KALRN: variants seen among roughly 807,000 people sequenced by gnomAD.
The protein encoded by KALRN is kalirin RhoGEF kinase, also known as kalirin.
In KALRN, 70 loss-of-function variants were observed where a neutral mutation model predicts 353.7. That is an observed-to-expected ratio of 0.20 (90% CI 0.16 to 0.24). KALRN has a LOEUF of 0.24. KALRN is among the 10% of genes least tolerant of loss of function. The pLI, the probability that KALRN is intolerant of heterozygous loss-of-function variation, is 1.00. For missense variants in KALRN, 2,791 were observed against 3,756.7 expected (o/e 0.74, Z 6.72); for synonymous variants, 1,391 against 1,434.8 (o/e 0.97, Z 0.69).
intron 1 of KALRN, among the ~76,000 whole-genome samples, chr3:124,147,280 G>A (rs778088245): frequency 1.5e-4 from 23 of 152,138 alleles, no homozygotes; most frequent in Non-Finnish European, 3.2e-4. Context: ...TCCAGAATAC[G>A]AATGAGGAGA....
intron 21 of KALRN, among the ~76,000 whole-genome samples, chr3:124,448,736 C>T (rs1215145382): frequency 6.6e-6 from 1 of 152,180 alleles, no homozygotes; most frequent in African/African-American, 2.4e-5. Flanking sequence ...CACAGACCAT[C>T]TCTCCTCCAG....
chr3:124,496,447 A>G (rs1365643428), intron 33 of KALRN, 34 bp downstream of exon 33: 2 of 1,497,182 alleles, frequency 1.3e-6, no homozygotes, highest in African/African-American at 1.4e-5. Flanking sequence ...TTCCCCTGAG[A>G]CTTCTTGATG....
At chr3:124,659,990 G>A (rs2084623995) in intron 43 of KALRN, among the ~76,000 whole-genome samples, 1 of 151,412 alleles carries the variant, frequency 6.6e-6, no homozygotes, top group Non-Finnish European at 1.5e-5. Context: ...GCAGTGCAGT[G>A]ACACAGTCAT....
At chr3:124,631,598 A>G (rs751069015) in intron 34 of KALRN, among the ~76,000 whole-genome samples, 3 of 152,168 alleles carry the variant, frequency 2.0e-5, no homozygotes, top group Non-Finnish European at 2.9e-5. Flanking sequence ...TCTAACAACC[A>G]CTAGGACCAC....
chr3:124,631,602 G>A (rs2080793754), intron 34 of KALRN, among the ~76,000 whole-genome samples: 1 of 152,012 alleles, frequency 6.6e-6, no homozygotes, highest in African/African-American at 2.4e-5. Flanking sequence ...ACAACCACTA[G>A]GACCACCCTA....
At chr3:124,102,743 C>T (rs1201367515) in intron 1 of KALRN, among the ~76,000 whole-genome samples, 1 of 152,212 alleles carries the variant, frequency 6.6e-6, no homozygotes, top group African/African-American at 2.4e-5. Flanking sequence ...GTATTTTCAC[C>T]TAGATACCTA....
At position 124,147,131 on chromosome 3, in the gene KALRN, C is replaced by T. The variant is rs188346863; in HGVS notation, c.74-80859C>T. ...AGAGCAAGTAAGGTCCCCAGGTTAT[C>T]ACAGCTAGTGAGTGGTGGGCCTACA... On this transcript the variant is annotated intron_variant, in intron 1 of 59. Coordinates refer to ENST00000682506, the MANE Select transcript of KALRN (RefSeq NM_001388419.1). Among the ~76,000 whole-genome samples the T allele has an allele frequency of 1.0e-3, 154 of 152,268 alleles. 2 individuals carry two copies. The highest frequency in any genetic ancestry group is 3.3e-3 in the African/African-American group (137 of 41,562).
intron 25 of KALRN, among the ~76,000 whole-genome samples, chr3:124,468,702 C>T (rs564749685): frequency 6.6e-6 from 1 of 152,306 alleles, no homozygotes; most frequent in Admixed American, 6.5e-5. Context: ...CTGCCCAAAC[C>T]AAAATTAGTG....
At chr3:124,662,845 G>A (rs549184695) in intron 45 of KALRN, among the ~76,000 whole-genome samples, 1 of 152,306 alleles carries the variant, frequency 6.6e-6, no homozygotes, top group African/African-American at 2.4e-5. Context: ...AGAGCTGTGA[G>A]GGAGGGGTCT....
chr3:124,160,807 C>A (rs1001987635), intron 1 of KALRN, among the ~76,000 whole-genome samples: 1 of 152,186 alleles, frequency 6.6e-6, no homozygotes, highest in Non-Finnish European at 1.5e-5. Context: ...CTGTCCCCTT[C>A]TTGGATTCTT....
intron 34 of KALRN, among the ~76,000 whole-genome samples, chr3:124,605,090 G>A (rs950082116): frequency 1.3e-5 from 2 of 151,820 alleles, no homozygotes; most frequent in Non-Finnish European, 2.9e-5. Context: ...TTGAGCCCAG[G>A]AGGCGAAAGT....
At chr3:124,168,065 T>G (rs1248454138) in intron 1 of KALRN, among the ~76,000 whole-genome samples, 2 of 152,200 alleles carry the variant, frequency 1.3e-5, no homozygotes, top group East Asian at 3.8e-4. Context: ...ATTCCTGCTC[T>G]TTCTTTGCTG....
chr3:124,640,783 T>C (rs974507247), intron 37 of KALRN, among the ~76,000 whole-genome samples: 2 of 152,166 alleles, frequency 1.3e-5, no homozygotes, highest in Non-Finnish European at 2.9e-5. Flanking sequence ...GCCATGGGAA[T>C]GAGGTTGCAA....
intron 33 of KALRN, among the ~76,000 whole-genome samples, chr3:124,535,899 G>T (rs2109239476): frequency 6.6e-6 from 1 of 152,244 alleles, no homozygotes; most frequent in South Asian, 2.1e-4. Context: ...CCATTCCCAG[G>T]GTTTAGTCTA....
intron 33 of KALRN, among the ~76,000 whole-genome samples, chr3:124,533,477 A>G (rs989038354): frequency 3.9e-5 from 6 of 152,044 alleles, no homozygotes; most frequent in African/African-American, 1.5e-4. Context: ...CCCCATCTCT[A>G]CTAAAAAATA....
At chr3:124,084,534 G>T (rs535278364) in intron 1 of KALRN, among the ~76,000 whole-genome samples, 11 of 152,336 alleles carry the variant, frequency 7.2e-5, no homozygotes, top group Middle Eastern at 6.8e-3. Flanking sequence ...ATGCTTTCAA[G>T]ATGAGCTCCA....
chr3:124,040,465 G>T (rs992933334), intron 1 of KALRN, among the ~76,000 whole-genome samples: 2 of 152,056 alleles, frequency 1.3e-5, no homozygotes, highest in Admixed American at 6.5e-5. Flanking sequence ...CTTAGGGAGG[G>T]TTTGCTACTG....
chr3:124,276,752 A>C (rs1392027575), intron 5 of KALRN, among the ~76,000 whole-genome samples: 1 of 152,218 alleles, frequency 6.6e-6, no homozygotes, highest in African/African-American at 2.4e-5. Flanking sequence ...AGACCCACCC[A>C]AAATCATCCA....
At chr3:124,630,849 CA>C (rs2080691793) in intron 34 of KALRN, among the ~76,000 whole-genome samples, 1 of 152,052 alleles carries the variant, frequency 6.6e-6, no homozygotes, top group Non-Finnish European at 1.5e-5. Context: ...CAAAACAAAA[CA>C]AACTCTTGTT....
Sources: gnomAD v4.1 joint callset for allele counts (sites outside exome capture counted in the v4.1 genomes callset) on GRCh38, gnomAD v4.1.1 for gene constraint, MANE v1.5 for transcripts, NCBI Gene and HGNC (gene_info 2026-07-23, HGNC 2026-07-21) for gene names.